The following SLC44A1 variants were observed in gnomAD, a reference collection of about 807,000 sequenced individuals.
SLC44A1 encodes the protein choline transporter-like protein 1.
Under a neutral mutation model 79.3 loss-of-function variants are expected in SLC44A1, and 26 were observed. The observed-to-expected ratio is 0.33, with a 90% CI of 0.24 to 0.46. The LOEUF is 0.46. Ranked by LOEUF, SLC44A1 falls within the 20% of genes least tolerant of loss-of-function variation. SLC44A1 has a pLI of 1.00. For synonymous variants in SLC44A1, 263 were observed against 286.2 expected (o/e 0.92, Z 0.82); for missense variants, 688 against 798.1 (o/e 0.86, Z 1.66).
At chr9:105,385,772 C>G in intron 15 of SLC44A1, 1 of 985,332 alleles carries the variant, frequency 1.0e-6, no homozygotes, top group South Asian at 4.7e-5. Flanking sequence ...GGTTTTTTCC[C>G]TAAGGTAAAA....
chr9:105,344,100 G>A (rs1827178573), intron 4 of SLC44A1, among the ~76,000 whole-genome samples: 1 of 152,026 alleles, frequency 6.6e-6, no homozygotes, highest in Non-Finnish European at 1.5e-5. Context: ...ACAAGGCAAT[G>A]GAAATCTTTC....
At chr9:105,435,483 T>TAGTC (rs1829452140) in intron 15 of SLC44A1, among the ~76,000 whole-genome samples, 1 of 151,974 alleles carries the variant, frequency 6.6e-6, no homozygotes, top group Non-Finnish European at 1.5e-5. Flanking sequence ...ACAAGGTGCA[T>TAGTC]AGTCATGAGG....
chr9:105,409,509 A>T (rs1485470663), intron 15 of SLC44A1, among the ~76,000 whole-genome samples: 1 of 152,096 alleles, frequency 6.6e-6, no homozygotes, highest in East Asian at 1.9e-4. Flanking sequence ...ACAAAACAAG[A>T]CCCTGTCTCT....
Position 105,361,197 on chromosome 9 carries a change from C to T in SLC44A1, c.767C>T (p.Thr256Ile). 6.2e-7 allele frequency: 1 copy of T among 1,614,046 alleles called. No individual in the cohort carries two copies. Among genetic ancestry groups the T allele is most frequent in the Non-Finnish European group, 8.5e-7 (1 of 1,179,920 alleles). Residue 256 changes from threonine to isoleucine, a missense_variant, in exon 8 of 16, where the codon ACA becomes ATA. Coordinates refer to ENST00000374720, the MANE Select transcript of SLC44A1 (RefSeq NM_080546.5). Reference sequence around the variant, plus strand: ...TTGGGTCTTTTGTCTCCAGGAGGCACAGGTGTACTATGGTGGCTGTATGCA... The same window carrying T: ...TTGGGTCTTTTGTCTCCAGGAGGCATAGGTGTACTATGGTGGCTGTATGCA... ...ILVILGSLGGTGVLWWLYAKQ... is the reference protein window; with the variant it reads ...ILVILGSLGGIGVLWWLYAKQ...
At chr9:105,370,061 T>A (rs773496176) in intron 12 of SLC44A1, among the ~76,000 whole-genome samples, 2 of 152,222 alleles carry the variant, frequency 1.3e-5, no homozygotes, top group Non-Finnish European at 2.9e-5. Context: ...GATGTCTGTC[T>A]GTGGGCAGTT....
intron 15 of SLC44A1, among the ~76,000 whole-genome samples, chr9:105,419,914 CAAAAA>C (rs59244219): frequency 3.7e-5 from 2 of 53,428 alleles, no homozygotes; most frequent in Non-Finnish European, 4.0e-5. Context: ...AACTCTGTCT[CAAAAA>C]AAAAAAAAAA....
chr9:105,315,663 G>T (rs7021567), intron 3 of SLC44A1, among the ~76,000 whole-genome samples: 18,042 of 152,144 alleles, frequency 0.12, 3,007 homozygotes, highest in African/African-American at 0.38. Flanking sequence ...TCTTTAATTA[G>T]CATGTAAAAC....
At chr9:105,385,079 A>G (rs1828588788) in intron 14 of SLC44A1, among the ~76,000 whole-genome samples, 2 of 152,214 alleles carry the variant, frequency 1.3e-5, no homozygotes, top group Admixed American at 6.5e-5. Flanking sequence ...TATAGAAAAA[A>G]ACAACAACAA....
intron 3 of SLC44A1, among the ~76,000 whole-genome samples, chr9:105,330,332 G>C (rs1826711742): frequency 6.6e-6 from 1 of 152,208 alleles, no homozygotes; most frequent in Non-Finnish European, 1.5e-5. Flanking sequence ...AGTTAGGTTA[G>C]TCACCCAGCT....
intron 12 of SLC44A1, among the ~76,000 whole-genome samples, chr9:105,372,687 A>G (rs1208697385): frequency 1.3e-5 from 2 of 150,154 alleles, no homozygotes; most frequent in African/African-American, 2.4e-5. Flanking sequence ...GCGGTGGCTC[A>G]CGCCTGTAAT....
At position 105,361,196 on chromosome 9, in the gene SLC44A1, A is replaced by C. The variant is rs759908998; in HGVS notation, c.766A>C (p.Thr256Pro). The C allele has an allele frequency of 1.9e-6, 3 of 1,614,056 alleles. No homozygotes were observed. The East Asian group carries it at 6.7e-5, about 36-fold the overall frequency. Residue 256 changes from threonine to proline, a missense_variant, in exon 8 of 16, where the codon ACA becomes CCA. Thr to Pro is a conservative substitution (Grantham distance 38). Transcript: ENST00000374720. ...GTTGGGTCTTTTGTCTCCAGGAGGC[A>C]CAGGTGTACTATGGTGGCTGTATGC... Reference protein sequence around the residue: ...ILVILGSLGGTGVLWWLYAKQ... With the variant: ...ILVILGSLGGPGVLWWLYAKQ...
chr9:105,274,553 G>A (rs995913305), intron 1 of SLC44A1, among the ~76,000 whole-genome samples: 2 of 152,160 alleles, frequency 1.3e-5, no homozygotes, highest in African/African-American at 4.8e-5. Flanking sequence ...CTTGGCTATT[G>A]TTAACTAAGT....
chr9:105,369,972 C>T (rs1828050362), intron 12 of SLC44A1, among the ~76,000 whole-genome samples: 1 of 152,246 alleles, frequency 6.6e-6, no homozygotes, highest in Non-Finnish European at 1.5e-5. Flanking sequence ...CATCCTTCAC[C>T]TTGCTCCTGG....
chr9:105,306,918 G>A (rs1035395741), intron 2 of SLC44A1, among the ~76,000 whole-genome samples: 2 of 152,180 alleles, frequency 1.3e-5, no homozygotes, highest in Admixed American at 6.5e-5. Context: ...AGTGAAAGAA[G>A]ATTGTAATTG....
chr9:105,413,438 T>G (rs536618656), intron 15 of SLC44A1, among the ~76,000 whole-genome samples: 4 of 152,354 alleles, frequency 2.6e-5, no homozygotes, highest in African/African-American at 9.6e-5. Flanking sequence ...TCCCCTTCTC[T>G]GGCCTGTCTG....
intron 13 of SLC44A1, among the ~76,000 whole-genome samples, chr9:105,375,166 C>T (rs1383714809): frequency 1.3e-5 from 2 of 152,176 alleles, no homozygotes; most frequent in African/African-American, 4.8e-5. Context: ...TTCAGCCTCC[C>T]GAGTAGCTGG....
At chr9:105,438,216 T>TTAC in intron 15 of SLC44A1, 1 of 1,384,166 alleles carries the variant, frequency 7.2e-7, no homozygotes, top group South Asian at 1.3e-5. Flanking sequence ...TAGTTATTGA[T>TTAC]TACTTCTCAT....
intron 3 of SLC44A1, among the ~76,000 whole-genome samples, chr9:105,311,778 G>A (rs1831187627): frequency 6.6e-6 from 1 of 152,054 alleles, no homozygotes; most frequent in South Asian, 2.1e-4. Flanking sequence ...ACCTACTTAA[G>A]TATTTCTGTC....
chr9:105,245,748 C>A (rs1369848259), intron 1 of SLC44A1, among the ~76,000 whole-genome samples: 3 of 152,204 alleles, frequency 2.0e-5, no homozygotes, highest in African/African-American at 7.2e-5. Context: ...GCAGAGATTT[C>A]TCTCAGCTTC....
Sources: gnomAD v4.1 joint callset for allele counts (sites outside exome capture counted in the v4.1 genomes callset) on GRCh38, gnomAD v4.1.1 for gene constraint, MANE v1.5 for transcripts, NCBI Gene and HGNC (gene_info 2026-07-23, HGNC 2026-07-21) for gene names.